The following TPST1 variants were observed in gnomAD, a reference collection of about 807,000 sequenced individuals.
TPST1 encodes protein-tyrosine sulfotransferase 1.
A neutral mutation model predicts 34.8 loss-of-function variants in TPST1; 20 were observed. The observed-to-expected ratio is 0.57, with a 90% CI of 0.40 to 0.84. The LOEUF (loss-of-function observed/expected upper bound fraction) is 0.84, where lower values mean the gene tolerates loss of function less well. Among genes scored for constraint, TPST1 ranks in the 40% least tolerant of loss-of-function variants. The probability of loss-of-function intolerance (pLI) is 0.00; values close to 1 mark genes in which losing one functional copy is unlikely to be tolerated. For missense variants in TPST1, 353 were observed against 455.5 expected (o/e 0.78, Z 2.05); for synonymous variants, 152 against 159.4 (o/e 0.95, Z 0.35).
At chr7:66,199,144 C>T in the TPST1 span, among the ~76,000 whole-genome samples, 2 of 152,156 alleles carry the variant, frequency 1.3e-5, no homozygotes, top group African/African-American at 4.8e-5. Context: ...TGGGTCCCGG[C>T]TCCTGGCTCC....
intron 3 of TPST1, among the ~76,000 whole-genome samples, chr7:66,333,203 G>T (rs573434050): frequency 6.6e-6 from 1 of 152,126 alleles, no homozygotes; most frequent in African/African-American, 2.4e-5. Flanking sequence ...CCTGATTTCC[G>T]TCTACAAACC....
chr7:66,308,504 C>T (rs1158840949), intron 3 of TPST1, among the ~76,000 whole-genome samples: 1 of 151,694 alleles, frequency 6.6e-6, no homozygotes, highest in East Asian at 1.9e-4. Flanking sequence ...GGGACACCAT[C>T]ACCAATCAGC....
intron 3 of TPST1, among the ~76,000 whole-genome samples, chr7:66,326,808 G>A (rs1342957715): frequency 6.6e-6 from 1 of 152,064 alleles, no homozygotes; most frequent in Non-Finnish European, 1.5e-5. Flanking sequence ...TCTACTGTTG[G>A]AATAGAAAGA....
At chr7:66,279,056 G>A (rs144948671) in intron 2 of TPST1, among the ~76,000 whole-genome samples, 232 of 152,160 alleles carry the variant, frequency 1.5e-3, no homozygotes, top group African/African-American at 5.4e-3. Flanking sequence ...AGTACTCTAT[G>A]GGTAGTTTTT....
At chr7:66,312,879 C>T (rs1431180426) in intron 3 of TPST1, among the ~76,000 whole-genome samples, 1 of 151,894 alleles carries the variant, frequency 6.6e-6, no homozygotes, top group Non-Finnish European at 1.5e-5. Flanking sequence ...TAGATGTCTG[C>T]AAAGGAGACA....
chr7:66,316,184 A>G (rs1791629751), intron 3 of TPST1, among the ~76,000 whole-genome samples: 1 of 151,882 alleles, frequency 6.6e-6, no homozygotes, highest in Admixed American at 6.6e-5. Context: ...TGAACTAAAT[A>G]TTTTAAAATT....
At chr7:66,333,290 T>C (rs1792032006) in intron 3 of TPST1, among the ~76,000 whole-genome samples, 1 of 152,238 alleles carries the variant, frequency 6.6e-6, no homozygotes, top group African/African-American at 2.4e-5. Context: ...CCAAAGCCTC[T>C]TGTATGGAAA....
chr7:66,204,320 A>G (rs1015719943), upstream of TPST1, among the ~76,000 whole-genome samples: 6 of 152,214 alleles, frequency 3.9e-5, no homozygotes, highest in Non-Finnish European at 8.8e-5. Context: ...GGTTCAAGCA[A>G]TTCTCCTGCC....
At position 66,240,785 on chromosome 7, in the gene TPST1, G is replaced by A. The variant is rs1562810233; in HGVS notation, c.360G>A (p.Glu120=). 6.2e-7 allele frequency: 1 copy of A among 1,614,220 alleles called. No homozygotes were observed. Among genetic ancestry groups the A allele is most frequent in the East Asian group, 2.2e-5 (1 of 44,890 alleles). The part of the protein sequence containing the change: ...LKQMWSRSSK[E]KIRLDEAGVT... ...AGATGTGGTCACGGTCAAGTAAAGA[G>A]AAGATCCGCCTGGATGAGGCTGGTG... The change falls in exon 2 of 6, where the codon GAG becomes GAA. Residue 120 remains glutamate, a synonymous_variant. Transcript: ENST00000304842.
intron 3 of TPST1, among the ~76,000 whole-genome samples, chr7:66,315,613 G>T (rs1009603478): frequency 3.9e-5 from 6 of 152,314 alleles, no homozygotes; most frequent in African/African-American, 1.4e-4. Context: ...ACAAGAAAAA[G>T]ATCTCTGATG....
intron 3 of TPST1, 97 bp from the exon 4 acceptor site, chr7:66,352,408 G>C (rs1792498504): frequency 4.5e-6 from 7 of 1,541,892 alleles, no homozygotes; most frequent in Non-Finnish European, 5.2e-6. Flanking sequence ...ACCAGCAGTG[G>C]AGCAGTAAAC....
intron 3 of TPST1, among the ~76,000 whole-genome samples, chr7:66,300,350 G>C (rs1381254440): frequency 6.6e-6 from 1 of 152,172 alleles, no homozygotes; most frequent in Non-Finnish European, 1.5e-5. Context: ...TCAATCATAA[G>C]ATTGTAGCAA....
intron 2 of TPST1, among the ~76,000 whole-genome samples, chr7:66,266,781 G>C (rs769880232): frequency 6.6e-6 from 1 of 152,182 alleles, no homozygotes; most frequent in Non-Finnish European, 1.5e-5. Context: ...CTGCAAATAA[G>C]TATATACTGT....
At chr7:66,300,667 C>T (rs1025764363) in intron 3 of TPST1, among the ~76,000 whole-genome samples, 2 of 152,138 alleles carry the variant, frequency 1.3e-5, no homozygotes, top group Admixed American at 6.6e-5. Flanking sequence ...TTGACAGGGC[C>T]AGGTGCAGTG....
chr7:66,275,147 T>G (rs1275547658), intron 2 of TPST1, among the ~76,000 whole-genome samples: 1 of 152,016 alleles, frequency 6.6e-6, no homozygotes, highest in Admixed American at 6.6e-5. Flanking sequence ...TAAGCCAAGA[T>G]TGAGCCACTG....
intron 3 of TPST1, among the ~76,000 whole-genome samples, chr7:66,323,247 G>C (rs1417181355): frequency 6.6e-6 from 1 of 152,112 alleles, no homozygotes; most frequent in East Asian, 1.9e-4. Flanking sequence ...CATCTATCCA[G>C]ACCAGGCTGG....
chr7:66,359,557 G>T (rs1792651255), intron 5 of TPST1: 1 of 262,072 alleles, frequency 3.8e-6, no homozygotes, highest in Non-Finnish European at 7.7e-6. Context: ...CTGGACATCT[G>T]GTGCCCCTGA....
intron 1 of TPST1, among the ~76,000 whole-genome samples, chr7:66,233,120 A>C (rs527595002): frequency 6.6e-6 from 1 of 151,968 alleles, no homozygotes; most frequent in Non-Finnish European, 1.5e-5. Context: ...TCTCAGGCAT[A>C]TAATTTGCAG....
chr7:66,248,874 C>T (rs1790207244), intron 2 of TPST1, among the ~76,000 whole-genome samples: 1 of 152,074 alleles, frequency 6.6e-6, no homozygotes, highest in African/African-American at 2.4e-5. Flanking sequence ...GCTGCTATAA[C>T]AAAATACCAC....
Sources: allele counts gnomAD v4.1 joint callset (sites outside exome capture counted in the v4.1 genomes callset), GRCh38; gene constraint gnomAD v4.1.1; transcripts MANE v1.5; gene names NCBI Gene and HGNC (gene_info 2026-07-23, HGNC 2026-07-21).